The following MAGI1 variants were observed in gnomAD, a reference collection of about 807,000 sequenced individuals.
MAGI1 encodes membrane-associated guanylate kinase, WW and PDZ domain-containing protein 1.
In MAGI1, 58 loss-of-function variants were observed where a neutral mutation model predicts 139.9. The ratio of observed to expected loss-of-function variants is 0.41; its 90% CI spans 0.34 to 0.52. The LOEUF is 0.52. MAGI1 is among the 20% of genes least tolerant of loss of function. The pLI is 0.12. For missense variants in MAGI1, 1,874 were observed against 1,901.6 expected (o/e 0.99, Z 0.27); for synonymous variants, 812 against 737.9 (o/e 1.10, Z -1.63).
intron 1 of MAGI1, among the ~76,000 whole-genome samples, chr3:65,845,245 C>T (rs2058948358): frequency 9.0e-6 from 1 of 110,788 alleles, no homozygotes. Flanking sequence ...GAGGGAGACT[C>T]CATCTCAAAA....
chr3:65,416,247 T>G (rs370565921), intron 12 of MAGI1, among the ~76,000 whole-genome samples: 3 of 152,322 alleles, frequency 2.0e-5, no homozygotes, highest in South Asian at 4.1e-4. Flanking sequence ...AAAACTCAGG[T>G]TGCTGAATGA....
chr3:65,536,508 G>A (rs183170233), intron 2 of MAGI1, among the ~76,000 whole-genome samples: 12 of 152,232 alleles, frequency 7.9e-5, no homozygotes, highest in African/African-American at 2.9e-4. Flanking sequence ...GGATTCCAGG[G>A]TCTTTTCAAA....
At chr3:65,446,595 T>C (rs529704852) in intron 7 of MAGI1, among the ~76,000 whole-genome samples, 1 of 152,308 alleles carries the variant, frequency 6.6e-6, no homozygotes, top group African/African-American at 2.4e-5. Flanking sequence ...GACAGCAGAG[T>C]GATCTGTCAC....
At chr3:65,783,819 AAT>A (rs2039149386) in intron 1 of MAGI1, among the ~76,000 whole-genome samples, 1 of 148,968 alleles carries the variant, frequency 6.7e-6, no homozygotes, top group South Asian at 2.2e-4. Flanking sequence ...AAAAAAAAAA[AAT>A]TAATTTTAAA....
intron 1 of MAGI1, among the ~76,000 whole-genome samples, chr3:65,823,891 T>C (rs2372150): frequency 0.021 from 3,162 of 152,314 alleles, 91 homozygotes; most frequent in African/African-American, 0.071. Flanking sequence ...GAGGTCATAG[T>C]GCACACTGGA....
At chr3:65,550,703 G>A (rs1576291022) in intron 2 of MAGI1, among the ~76,000 whole-genome samples, 2 of 152,074 alleles carry the variant, frequency 1.3e-5, no homozygotes, top group East Asian at 3.9e-4. Flanking sequence ...CATAGCTCAT[G>A]CTTACAATCC....
chr3:65,757,392 C>A (rs981426528), intron 1 of MAGI1, among the ~76,000 whole-genome samples: 5 of 152,192 alleles, frequency 3.3e-5, no homozygotes, highest in African/African-American at 1.2e-4. Flanking sequence ...CGCCTGTAAT[C>A]CCAACACATT....
chr3:65,916,804 C>T (rs887816219), intron 1 of MAGI1, among the ~76,000 whole-genome samples: 2 of 151,192 alleles, frequency 1.3e-5, no homozygotes, highest in Non-Finnish European at 3.0e-5. Flanking sequence ...CACACACATA[C>T]ACACACACAC....
intron 22 of MAGI1, among the ~76,000 whole-genome samples, chr3:65,358,728 C>A (rs1245601152): frequency 1.3e-5 from 2 of 152,162 alleles, no homozygotes; most frequent in Non-Finnish European, 2.9e-5. Context: ...TCTCGTCTTC[C>A]CATCTAGCAA....
At chr3:65,968,571 G>A (rs1322765168) in intron 1 of MAGI1, among the ~76,000 whole-genome samples, 2 of 151,426 alleles carry the variant, frequency 1.3e-5, no homozygotes, top group African/African-American at 2.4e-5. Context: ...AGGTGTGTGT[G>A]TATATGCACA....
At chr3:65,565,135 A>G (rs1383459919) in intron 2 of MAGI1, among the ~76,000 whole-genome samples, 1 of 152,228 alleles carries the variant, frequency 6.6e-6, no homozygotes, top group Non-Finnish European at 1.5e-5. Flanking sequence ...CAAACAATTC[A>G]TTAAAGGTGA....
At chr3:65,817,886 C>A (rs916806064) in intron 1 of MAGI1, among the ~76,000 whole-genome samples, 2 of 152,114 alleles carry the variant, frequency 1.3e-5, no homozygotes, top group African/African-American at 2.4e-5. Context: ...AAAAGAAAAG[C>A]TAATCGTAAA....
chr3:65,559,709 C>A (rs2080250098), intron 2 of MAGI1, among the ~76,000 whole-genome samples: 1 of 152,172 alleles, frequency 6.6e-6, no homozygotes. Context: ...ACTTGTCTAA[C>A]TTCTCTTGGC....
chr3:65,679,947 A>G (rs1017485409), intron 1 of MAGI1, among the ~76,000 whole-genome samples: 16 of 152,332 alleles, frequency 1.1e-4, no homozygotes, highest in African/African-American at 3.4e-4. Flanking sequence ...TAGGACCAGG[A>G]TATGGCCAAA....
chr3:65,418,015 G>T (rs76934356), intron 12 of MAGI1, among the ~76,000 whole-genome samples: 34 of 152,280 alleles, frequency 2.2e-4, no homozygotes, highest in African/African-American at 8.2e-4. Flanking sequence ...GTTGGAGAAA[G>T]GGGGCAGGTA....
chr3:65,731,663 T>TA (rs35714265), intron 1 of MAGI1, among the ~76,000 whole-genome samples: 249 of 112,926 alleles, frequency 2.2e-3, no homozygotes, highest in Middle Eastern at 5.0e-3. Flanking sequence ...TCAAAAAATT[T>TA]AAAAAAAAAA....
intron 2 of MAGI1, among the ~76,000 whole-genome samples, chr3:65,580,436 C>T (rs971489866): frequency 6.6e-6 from 1 of 151,918 alleles, no homozygotes; most frequent in Non-Finnish European, 1.5e-5. Flanking sequence ...GTGAGCAAAT[C>T]GATACACAGT....
intron 1 of MAGI1, among the ~76,000 whole-genome samples, chr3:66,018,529 C>G (rs566168835): frequency 1.3e-5 from 2 of 152,264 alleles, no homozygotes; most frequent in South Asian, 4.1e-4. Context: ...GGTCACACAG[C>G]CGGTAAGGGC....
intron 2 of MAGI1, among the ~76,000 whole-genome samples, chr3:65,504,789 G>C (rs1455060015): frequency 6.6e-6 from 1 of 152,148 alleles, no homozygotes; most frequent in Admixed American, 6.5e-5. Flanking sequence ...TACTGAGGAG[G>C]ACCAGAAAAC....
Sources: allele counts gnomAD v4.1 joint callset (sites outside exome capture counted in the v4.1 genomes callset), GRCh38; gene constraint gnomAD v4.1.1; transcripts MANE v1.5; gene names NCBI Gene and HGNC (gene_info 2026-07-23, HGNC 2026-07-21).